DTNA: variants seen among roughly 807,000 people sequenced by gnomAD.
The protein encoded by DTNA is dystrobrevin alpha.
DTNA carries 43 observed loss-of-function variants against 100.7 expected under a neutral mutation model. The observed-to-expected ratio is 0.43, with a 90% CI of 0.33 to 0.55. The LOEUF (loss-of-function observed/expected upper bound fraction) is 0.55, where lower values mean the gene tolerates loss of function less well. DTNA is among the 20% of genes least tolerant of loss of function. DTNA has a pLI of 0.04. For synonymous variants in DTNA, 349 were observed against 347.9 expected (o/e 1.00, Z -0.04); for missense variants, 798 against 953.9 (o/e 0.84, Z 2.15).
chr18:34,515,256 G>A (rs894528874), intron 1 of DTNA, among the ~76,000 whole-genome samples: 2 of 151,798 alleles, frequency 1.3e-5, no homozygotes, highest in Non-Finnish European at 2.9e-5. Flanking sequence ...TTCTTCCCTT[G>A]AAGAAAAAAC....
chr18:34,495,957 T>A (rs1372835581), intron 1 of DTNA, among the ~76,000 whole-genome samples: 1 of 149,668 alleles, frequency 6.7e-6, no homozygotes, highest in Non-Finnish European at 1.5e-5. Context: ...CTTCATCTGT[T>A]ATTTTTTTCA....
intron 1 of DTNA, among the ~76,000 whole-genome samples, chr18:34,702,181 G>T (rs2081471188): frequency 6.6e-6 from 1 of 152,010 alleles, no homozygotes; most frequent in South Asian, 2.1e-4. Flanking sequence ...GTCTCCCTTT[G>T]CCTGAAATCC....
intron 1 of DTNA, among the ~76,000 whole-genome samples, chr18:34,732,989 C>G (rs1043080229): frequency 1.3e-5 from 2 of 152,106 alleles, no homozygotes; most frequent in Non-Finnish European, 2.9e-5. Flanking sequence ...CTCCATAAGT[C>G]CCTATTTTAA....
At chr18:34,588,109 T>C (rs189613131) in intron 1 of DTNA, among the ~76,000 whole-genome samples, 74 of 152,262 alleles carry the variant, frequency 4.9e-4, no homozygotes, top group African/African-American at 1.5e-3. Flanking sequence ...AACCCAACAA[T>C]TGGCACCAAC....
rs1412314414 is a variant in DTNA, at chr18:34,818,221, A to G, written c.767A>G (p.Tyr256Cys). Residue 256 changes from tyrosine to cysteine, a missense_variant, in exon 8 of 23, where the codon TAC (tyrosine) becomes TGC (cysteine). Tyr to Cys is a radical substitution (Grantham distance 194). Around this residue, in one of 6 missense-constraint regions of DTNA, gnomAD observed 81 missense variants for 153.5 expected, o/e 0.53. Coordinates refer to ENST00000444659, the MANE Select transcript of DTNA (RefSeq NM_001386795.1). ...AGTGAGAGTATGATGGGATTTCGCT[A>G]CCGATGCCAACAGTGTCACAATTAC... Reference protein sequence around the residue: ...CHSESMMGFRYRCQQCHNYQL... With the variant: ...CHSESMMGFRCRCQQCHNYQL... 2 of 1,614,014 alleles carry G rather than the reference A, an allele frequency of 1.2e-6. No individual in the cohort carries two copies. Among genetic ancestry groups the G allele is most frequent in the Admixed American group, 1.7e-5 (1 of 60,002 alleles).
chr18:34,538,052 C>G (rs1427154836), intron 1 of DTNA, among the ~76,000 whole-genome samples: 10 of 152,002 alleles, frequency 6.6e-5, no homozygotes, highest in Non-Finnish European at 8.8e-5. Flanking sequence ...TTGAACACAT[C>G]AAATGATCTG....
At chr18:34,727,951 GA>G (rs555566110) in intron 1 of DTNA, among the ~76,000 whole-genome samples, 229 of 152,240 alleles carry the variant, frequency 1.5e-3, no homozygotes, top group African/African-American at 4.3e-3. Flanking sequence ...TATTAAGAGG[GA>G]GGGGGGGAAA....
chr18:34,676,012 C>T (rs899957944), intron 1 of DTNA, among the ~76,000 whole-genome samples: 2 of 152,184 alleles, frequency 1.3e-5, no homozygotes. Flanking sequence ...GTAGAAACAT[C>T]AGTCCGAGCA....
chr18:34,858,301 A>G lies in DTNA; in HGVS notation c.1549A>G (p.Ile517Val), dbSNP rs1963922252. 6.2e-7 allele frequency: 1 copy of G among 1,613,946 alleles called. No homozygotes were observed. The highest frequency in any genetic ancestry group is 8.5e-7 in the Non-Finnish European group (1 of 1,180,002). Residue 517 changes from isoleucine (I) to valine (V), a missense_variant, in exon 16 of 23, where the codon ATC becomes GTC. Physicochemically the swap from Ile to Val is conservative, Grantham distance 29. Around this residue, in one of 6 missense-constraint regions of DTNA, gnomAD observed 159 missense variants for 201.2 expected, o/e 0.79. Transcript: ENST00000444659. ...TCTCCCAAGAGAAATCTTACAGGAG[A>G]TCCAGAGACTTCGGCTAGAGCATGA... ...ENKNREILQE[I>V]QRLRLEHEQA... is the part of the protein sequence containing the mutation.
chr18:34,616,474 A>C (rs955301396), intron 1 of DTNA, among the ~76,000 whole-genome samples: 3 of 152,182 alleles, frequency 2.0e-5, no homozygotes, highest in African/African-American at 7.2e-5. Flanking sequence ...ACAAAGATCT[A>C]CTATCCAGCG....
intron 1 of DTNA, among the ~76,000 whole-genome samples, chr18:34,688,168 A>T (rs964448837): frequency 6.6e-6 from 1 of 152,156 alleles, no homozygotes; most frequent in Non-Finnish European, 1.5e-5. Context: ...TTATGTGTGA[A>T]TTTGATCCTG....
intron 1 of DTNA, among the ~76,000 whole-genome samples, chr18:34,723,521 C>A (rs989397339): frequency 6.6e-6 from 1 of 152,078 alleles, no homozygotes. Context: ...ATGTCAATAA[C>A]CTAAATATAA....
At chr18:34,527,377 T>A (rs779666527) in intron 1 of DTNA, among the ~76,000 whole-genome samples, 1 of 152,060 alleles carries the variant, frequency 6.6e-6, no homozygotes, top group Non-Finnish European at 1.5e-5. Flanking sequence ...AAAAGCATAT[T>A]TTAGTGGTGC....
intron 3 of DTNA, among the ~76,000 whole-genome samples, chr18:34,789,680 A>C (rs9965912): frequency 6.6e-6 from 1 of 152,294 alleles, no homozygotes; most frequent in African/African-American, 2.4e-5. Context: ...GTTTTACTTA[A>C]ATCATTTTTA....
At chr18:34,647,474 ACAGCC>A (rs1483160562) in intron 1 of DTNA, among the ~76,000 whole-genome samples, 1 of 152,182 alleles carries the variant, frequency 6.6e-6, no homozygotes, top group African/African-American at 2.4e-5. Flanking sequence ...ACCTTTGTTC[ACAGCC>A]CATTGGCTAC....
At chr18:34,541,036 T>C (rs2579803) in intron 1 of DTNA, among the ~76,000 whole-genome samples, 133,126 of 152,020 alleles carry the variant, frequency 0.88, 58,518 homozygotes, top group Middle Eastern at 0.95. Flanking sequence ...TTATGGGTTG[T>C]AAAAATTGGG....
chr18:34,801,987 T>C (rs898734225), intron 4 of DTNA, among the ~76,000 whole-genome samples: 3 of 152,238 alleles, frequency 2.0e-5, no homozygotes, highest in African/African-American at 7.2e-5. Flanking sequence ...CCTAAAAGTC[T>C]GTGATTCATC....
intron 1 of DTNA, chr18:34,573,936 G>A (rs16965481): frequency 0.1 from 15,564 of 152,252 alleles, 1,154 homozygotes; most frequent in African/African-American, 0.2. Context: ...AAGGTTCTTC[G>A]CTCATTTGTG....
intron 1 of DTNA, among the ~76,000 whole-genome samples, chr18:34,502,426 C>T (rs1406231273): frequency 1.3e-5 from 2 of 151,902 alleles, no homozygotes; most frequent in Admixed American, 6.5e-5. Context: ...ATATCTTTTT[C>T]TATATTCTTG....
Sources: gnomAD v4.1 joint callset for allele counts (sites outside exome capture counted in the v4.1 genomes callset) on GRCh38, gnomAD v4.1.1 for gene constraint, gnomAD v4.1.1 regional missense constraint, MANE v1.5 for transcripts, NCBI Gene and HGNC (gene_info 2026-07-23, HGNC 2026-07-21) for gene names.